TMEM209: variants seen among roughly 807,000 people sequenced by gnomAD.
TMEM209 encodes the protein transmembrane protein 209.
TMEM209 carries 65 observed loss-of-function variants against 76.2 expected under a neutral mutation model. That is an observed-to-expected ratio of 0.85 (90% CI 0.70 to 1.05). TMEM209 has a LOEUF of 1.05. TMEM209 is among the 50% of genes least tolerant of loss of function. The pLI is 0.00. For missense variants in TMEM209, 623 were observed against 685.5 expected (o/e 0.91, Z 1.02); for synonymous variants, 239 against 237.6 (o/e 1.01, Z -0.06).
At chr7:130,171,265 T>TTAAATATAAATA (rs1393434612) in intron 13 of TMEM209, among the ~76,000 whole-genome samples, 5 of 152,212 alleles carry the variant, frequency 3.3e-5, no homozygotes, top group Non-Finnish European at 7.3e-5. Flanking sequence ...AAATAACATA[T>TTAAATATAAATA]TAAATATAAA....
intron 9 of TMEM209, among the ~76,000 whole-genome samples, chr7:130,180,502 G>A (rs1405028079): frequency 6.6e-6 from 1 of 151,966 alleles, no homozygotes; most frequent in Non-Finnish European, 1.5e-5. Flanking sequence ...CCGAGTAGCT[G>A]GGATTATAGG....
chr7:130,191,560 A>C (rs887087745), intron 6 of TMEM209, among the ~76,000 whole-genome samples: 3 of 152,164 alleles, frequency 2.0e-5, no homozygotes, highest in Non-Finnish European at 2.9e-5. Flanking sequence ...AGCAAGTCTC[A>C]AACAAACAAA....
Position 130,184,109 on chromosome 7 carries a change from T to C in TMEM209, c.1023+75A>G, listed in dbSNP as rs1797513851. 5.8e-6 allele frequency: 6 copies of C among 1,026,508 alleles called. No individual in the cohort carries two copies. In the East Asian group the frequency reaches 1.6e-4, roughly 27 times the overall value. The allele number at this position is 1,026,508 out of a possible 1,614,324, so 63.6% of individuals were successfully genotyped here. A position where few individuals can be genotyped will look rare whatever the true frequency, so the allele number is the denominator to read the frequency against. ...TAATATTCTAATTTATAATGAACTC[T>C]AAATGATATTCTAATAACATGCTTT... On this transcript the variant is annotated intron_variant, in intron 8 of 14. Transcript: ENST00000397622.
At chr7:130,167,194 G>A (rs1407126079) in intron 14 of TMEM209, among the ~76,000 whole-genome samples, 4 of 152,094 alleles carry the variant, frequency 2.6e-5, no homozygotes, top group African/African-American at 7.2e-5. Flanking sequence ...AGTCCACTTC[G>A]AGAAGCAGAC....
At chr7:130,188,217 C>T (rs1797666742) in intron 6 of TMEM209, among the ~76,000 whole-genome samples, 1 of 151,964 alleles carries the variant, frequency 6.6e-6, no homozygotes, top group African/African-American at 2.4e-5. Flanking sequence ...GTGACTAAAC[C>T]AAAAAAGCTG....
chr7:130,194,812 T>C (rs1797917189), intron 5 of TMEM209, among the ~76,000 whole-genome samples: 1 of 152,200 alleles, frequency 6.6e-6, no homozygotes, highest in African/African-American at 2.4e-5. Context: ...AAATGTTTAC[T>C]CAAGTACATT....
chr7:130,188,793 A>G (rs1797699194), intron 6 of TMEM209, among the ~76,000 whole-genome samples: 1 of 152,056 alleles, frequency 6.6e-6, no homozygotes, highest in Admixed American at 6.6e-5. Context: ...ATTACCGACA[A>G]AGAGACAAAG....
chr7:130,198,621 C>T (rs948637001), intron 5 of TMEM209, among the ~76,000 whole-genome samples: 8 of 151,918 alleles, frequency 5.3e-5, no homozygotes, highest in African/African-American at 1.9e-4. Context: ...CAAAAAAACC[C>T]CCCCAAAAAA....
At chr7:130,191,964 CAA>C (rs1013387192) in intron 6 of TMEM209, among the ~76,000 whole-genome samples, 9 of 152,168 alleles carry the variant, frequency 5.9e-5, no homozygotes, top group Non-Finnish European at 1.0e-4. Flanking sequence ...CCAAGCGACA[CAA>C]AGAGTCATGG....
intron 13 of TMEM209, among the ~76,000 whole-genome samples, chr7:130,172,043 T>C (rs961359875): frequency 4.0e-5 from 6 of 149,984 alleles, no homozygotes; most frequent in African/African-American, 1.5e-4. Flanking sequence ...AAAAAAAGAG[T>C]AAAAAATCTG....
At chr7:130,192,261 T>C (rs908795414) in intron 6 of TMEM209, 1 of 212,118 alleles carries the variant, frequency 4.7e-6, no homozygotes, top group Non-Finnish European at 9.7e-6. Context: ...CAGCCTGCTC[T>C]GCCACACCAA....
chr7:130,173,745 A>G lies in TMEM209; in HGVS notation c.1460-16T>C, dbSNP rs759494888. 3.7e-6 allele frequency: 6 copies of G among 1,611,500 alleles called. No individual in the cohort carries two copies. Among genetic ancestry groups the G allele is most frequent in the Non-Finnish European group, 5.1e-6 (6 of 1,177,730 alleles). On this transcript the variant is annotated splice_polypyrimidine_tract_variant and intron_variant, in intron 12 of 14. Coordinates refer to ENST00000397622, the MANE Select transcript of TMEM209 (RefSeq NM_032842.4). ...TTTGTAACATCTGTAAAGGAAGGCA[A>G]TATGCTGCATTAAAAAACCAAACCC...
At position 130,202,691 on chromosome 7, in the gene TMEM209, A is replaced by AG. The variant is rs757017339; in HGVS notation, c.200-29dup. 9 of 1,602,338 alleles carry AG rather than the reference A, an allele frequency of 5.6e-6. No homozygotes were observed. The African/African-American group carries it at 6.7e-5, about 12-fold the overall frequency. ...GGAAGAGAACAATTTTTTTTTAATA[A>AG]GGGGGGTGAGGAGGGCATCTATTGG... On this transcript the variant is annotated intron_variant, in intron 3 of 14. Transcript: ENST00000397622.
intron 2 of TMEM209, 57 bp downstream of exon 2, chr7:130,203,917 T>C: frequency 6.2e-7 from 1 of 1,601,698 alleles, no homozygotes; most frequent in Non-Finnish European, 8.5e-7. Context: ...CACAAAAACC[T>C]GTGGAACCAG....
intron 13 of TMEM209, among the ~76,000 whole-genome samples, chr7:130,171,658 C>T (rs1562884409): frequency 6.6e-6 from 1 of 152,056 alleles, no homozygotes; most frequent in African/African-American, 2.4e-5. Flanking sequence ...TTATTATAGC[C>T]AATGTAAAAT....
chr7:130,192,335 C>T (rs1272170565), intron 6 of TMEM209: 2 of 372,448 alleles, frequency 5.4e-6, no homozygotes, highest in African/African-American at 4.1e-5. Flanking sequence ...CGCACTGCTT[C>T]AAAACATTAT....
rs1485949290 is a variant in TMEM209 at position 130,165,627 on chromosome 7, C to T, written c.*824G>A. 6.7e-6 allele frequency: 1 copy of T among 149,928 alleles called. No individual in the cohort carries two copies. Among genetic ancestry groups the T allele is most frequent in the Non-Finnish European group, 1.5e-5 (1 of 67,764 alleles). 9.3% of individuals were successfully genotyped at this position (149,928 alleles called of 1,614,324 possible). ...TTTTAAAATATACATAAACTTAATA[C>T]ATTACTTAAGAGTTAATCTCATTTC... is the stretch of plus-strand genomic sequence containing the variant. On this transcript the variant is annotated 3_prime_UTR_variant, in exon 15 of 15. Transcript: ENST00000397622.
At position 130,184,213 on chromosome 7, in the gene TMEM209, T is replaced by C; in HGVS notation, c.994A>G (p.Met332Val). 1 of 1,608,112 alleles carries C rather than the reference T, an allele frequency of 6.2e-7. No individual in the cohort carries two copies. The highest frequency in any genetic ancestry group is 8.5e-7 in the Non-Finnish European group (1 of 1,177,522). Residue 332 changes from methionine to valine, a missense_variant, in exon 8 of 15, where the codon ATG (methionine) becomes GTG (valine). Transcript: ENST00000397622. Reference protein sequence around the residue: ...VAMNRQLLDHMDSWTAKFRNW... With the variant: ...VAMNRQLLDHVDSWTAKFRNW... The stretch of plus-strand genomic sequence containing the variant: ...CTAAATTTAGCTGTCCATGAATCCA[T>C]ATGATCAAGAAGTTGTCTATTCATA...
intron 10 of TMEM209, among the ~76,000 whole-genome samples, chr7:130,177,991 T>C (rs898502956): frequency 6.6e-6 from 1 of 152,148 alleles, no homozygotes; most frequent in Admixed American, 6.6e-5. Flanking sequence ...ACAGAGGGTG[T>C]ATGGGGGTGT....
Sources: gnomAD v4.1 joint callset for allele counts (sites outside exome capture counted in the v4.1 genomes callset) on GRCh38, gnomAD v4.1.1 for gene constraint, MANE v1.5 for transcripts, NCBI Gene and HGNC (gene_info 2026-07-23, HGNC 2026-07-21) for gene names.